The following KIF24 variants were observed in gnomAD, a reference collection of about 807,000 sequenced individuals.
KIF24 encodes kinesin family member 24.
A neutral mutation model predicts 118.9 loss-of-function variants in KIF24; 81 were observed. The observed-to-expected ratio is 0.68, with a 90% CI of 0.57 to 0.82. The LOEUF (loss-of-function observed/expected upper bound fraction) is 0.82. Ranked by LOEUF, KIF24 falls within the 40% of genes least tolerant of loss-of-function variation. The pLI is 0.00. For missense variants in KIF24, 1,560 were observed against 1,661.6 expected, an observed-to-expected ratio of 0.94 and a Z score of 1.06; for synonymous variants, 599 against 610.0, an observed-to-expected ratio of 0.98 and a Z score of 0.27.
chr9:34,290,948 T>C (rs988985902), intron 4 of KIF24, among the ~76,000 whole-genome samples: 1 of 152,052 alleles, frequency 6.6e-6, no homozygotes, highest in African/African-American at 2.4e-5. Flanking sequence ...GAGAAACAAC[T>C]CTAGAAGATA....
intron 2 of KIF24, among the ~76,000 whole-genome samples, chr9:34,306,874 G>C (rs763450958): frequency 2.0e-5 from 3 of 151,638 alleles, no homozygotes; most frequent in Admixed American, 2.0e-4. Flanking sequence ...ACAAAGTAAA[G>C]TGTCAACCCT....
At chr9:34,260,288 G>C (rs890251547) in intron 9 of KIF24, among the ~76,000 whole-genome samples, 3 of 152,084 alleles carry the variant, frequency 2.0e-5, no homozygotes, top group African/African-American at 7.2e-5. Context: ...AAGTATATAT[G>C]ATATTCATTA....
chr9:34,316,034 C>CA (rs1331281734), intron 1 of KIF24, among the ~76,000 whole-genome samples: 7 of 146,804 alleles, frequency 4.8e-5, no homozygotes, highest in Admixed American at 1.4e-4. Context: ...GTCACCCCCC[C>CA]AAAAAAAAAA....
chr9:34,256,383 C>T lies in KIF24; in HGVS notation c.3224G>A (p.Gly1075Glu). 6.2e-7 allele frequency: 1 copy of T among 1,613,922 alleles called. No homozygotes were observed. The highest frequency in any genetic ancestry group is 1.3e-5 in the African/African-American group (1 of 75,046). The change falls in exon 11 of 13, where the codon GGG (glycine) becomes GAG (glutamate). Residue 1075 changes from glycine (G) to glutamate (E), a missense_variant. Around this residue, in one of 3 missense-constraint regions of KIF24, gnomAD observed 591 missense variants for 655.6 expected, o/e 0.90. Coordinates refer to ENST00000402558, the MANE Select transcript of KIF24 (RefSeq NM_194313.4). ...CTCTGCCACTAGACTGTGCGTAGCC[C>T]CATCCTGGACCAGCTGCTCCGAGGG... Reference protein sequence around the residue: ...SPPSEQLVQDGATHSLVAEST... With the variant: ...SPPSEQLVQDEATHSLVAEST...
chr9:34,261,586 A>G (rs1835059497), intron 9 of KIF24, among the ~76,000 whole-genome samples: 1 of 152,244 alleles, frequency 6.6e-6, no homozygotes, highest in African/African-American at 2.4e-5. Context: ...ATCTTTTAAC[A>G]TGAAAAGTTG....
intron 6 of KIF24, among the ~76,000 whole-genome samples, chr9:34,281,759 T>G (rs933754267): frequency 1.3e-5 from 2 of 152,180 alleles, no homozygotes; most frequent in African/African-American, 4.8e-5. Context: ...ACTCAGATAC[T>G]TCTCCCTGGA....
At chr9:34,290,071 T>C (rs1371231929) in intron 5 of KIF24, 103 bp downstream of exon 5, 5 of 734,124 alleles carry the variant, frequency 6.8e-6, no homozygotes, top group Non-Finnish European at 1.1e-5. Context: ...AGGGCACTAA[T>C]GTACCAAAGC....
chr9:34,254,947 A>G, intron 12 of KIF24, 125 bp downstream of exon 12: 1 of 655,184 alleles, frequency 1.5e-6, no homozygotes, highest in East Asian at 2.7e-5. Context: ...GTGAGGCCTC[A>G]GTTATGGTTA....
chr9:34,330,533 G>C (rs2131849299), upstream of KIF24, among the ~76,000 whole-genome samples: 1 of 152,294 alleles, frequency 6.6e-6, no homozygotes, highest in South Asian at 2.1e-4. Context: ...CACTTACCCA[G>C]ACATCTCTGA....
rs1009828775 is a variant in KIF24 at position 34,269,277 on chromosome 9, T to C, written c.1423A>G (p.Ile475Val). The change falls in exon 8 of 13, where the codon ATA becomes GTA. Residue 475 changes from isoleucine (I) to valine (V), a missense_variant. Around this residue, in one of 3 missense-constraint regions of KIF24, gnomAD observed 964 missense variants for 988.0 expected, o/e 0.98. Transcript: ENST00000402558. ...CTTACAGCCAGTAGACTCTGATTTA[T>C]TTCTGCACCTTCCATCTTTGTCTGT... is the stretch of plus-strand genomic sequence containing the variant. ...DRQTKMEGAE[I>V]NQSLLALKEC... 2.5e-6 allele frequency: 4 copies of C among 1,608,040 alleles called. No individual in the cohort carries two copies. Among genetic ancestry groups the C allele is most frequent in the Admixed American group, 3.4e-5 (2 of 59,690 alleles).
At chr9:34,329,743 T>TCCCATCC (rs1837829786), upstream of KIF24, 1 of 152,352 alleles carries the variant, frequency 6.6e-6, no homozygotes, top group Non-Finnish European at 1.5e-5. Context: ...CAGTGAGGTG[T>TCCCATCC]GGGCAGGCCA....
chr9:34,255,063 G>A lies in KIF24; in HGVS notation c.3966+9C>T, dbSNP rs770333393. The A allele has an allele frequency of 2.0e-5, 31 of 1,561,112 alleles. No individual in the cohort carries two copies. The highest frequency in any genetic ancestry group is 2.3e-5 in the Non-Finnish European group (26 of 1,146,390). ...AACAGCCTGTGAGTGTCCAGCCAGG[G>A]CTACTTACATTAGAAGCCAGCTGGC... On this transcript the variant is annotated intron_variant, in intron 12 of 12. Coordinates refer to ENST00000402558, the MANE Select transcript of KIF24 (RefSeq NM_194313.4).
chr9:34,325,514 G>A (rs532277108), intron 1 of KIF24, among the ~76,000 whole-genome samples: 5 of 152,116 alleles, frequency 3.3e-5, no homozygotes, highest in Admixed American at 1.3e-4. Context: ...TCAACATGGT[G>A]AAACCCCATC....
At chr9:34,319,194 T>A in intron 1 of KIF24, 2 of 1,604,800 alleles carry the variant, frequency 1.2e-6, no homozygotes, top group South Asian at 2.2e-5. Flanking sequence ...GCCCACAAGC[T>A]CTCCAGCCTC....
At chr9:34,321,563 T>C (rs1295930434) in intron 1 of KIF24, among the ~76,000 whole-genome samples, 1 of 120,830 alleles carries the variant, frequency 8.3e-6, no homozygotes, top group African/African-American at 3.1e-5. Context: ...CCGATAGCAT[T>C]AAAAAAAAAA....
At chr9:34,258,015 T>C (rs373186648) in intron 10 of KIF24, 34 bp from the exon 11 acceptor site, 126 of 1,453,698 alleles carry the variant, frequency 8.7e-5, no homozygotes, top group Non-Finnish European at 1.1e-4. Flanking sequence ...AATGTGTATT[T>C]TCACATGTTC....
At chr9:34,288,750 A>C (rs1836142829) in intron 5 of KIF24, among the ~76,000 whole-genome samples, 1 of 151,928 alleles carries the variant, frequency 6.6e-6, no homozygotes, top group African/African-American at 2.4e-5. Context: ...ACAACTGAGG[A>C]ATGCAAATAT....
intron 8 of KIF24, among the ~76,000 whole-genome samples, chr9:34,267,223 A>G (rs1480433264): frequency 6.6e-6 from 1 of 152,148 alleles, no homozygotes; most frequent in African/African-American, 2.4e-5. Flanking sequence ...TAGGTTAAAA[A>G]CGGCTGAATG....
At chr9:34,286,018 A>G (rs1836037589) in intron 6 of KIF24, among the ~76,000 whole-genome samples, 1 of 151,918 alleles carries the variant, frequency 6.6e-6, no homozygotes, top group Non-Finnish European at 1.5e-5. Flanking sequence ...GCCATAGAGA[A>G]ACACATTAGC....
Sources: allele counts gnomAD v4.1 joint callset (sites outside exome capture counted in the v4.1 genomes callset), GRCh38; gene constraint gnomAD v4.1.1; regional missense constraint gnomAD v4.1.1; transcripts MANE v1.5; gene names NCBI Gene and HGNC (gene_info 2026-07-23, HGNC 2026-07-21).